The following ZBTB25 variants were observed in gnomAD, a reference collection of about 807,000 sequenced individuals.
ZBTB25 encodes the protein zinc finger and BTB domain containing 25, also known as zinc finger and BTB domain-containing protein 25.
In ZBTB25, 20 loss-of-function variants were observed where a neutral mutation model predicts 34.2. The observed-to-expected ratio is 0.58, with a 90% CI of 0.41 to 0.85. ZBTB25 has a LOEUF of 0.85. ZBTB25 is among the 40% of genes least tolerant of loss of function. ZBTB25 has a pLI of 0.00. For synonymous variants in ZBTB25, 175 were observed against 186.4 expected (o/e 0.94, Z 0.50); for missense variants, 437 against 521.8 (o/e 0.84, Z 1.58).
At chr14:64,498,826 G>A (rs2079383486) in intron 1 of ZBTB25, among the ~76,000 whole-genome samples, 1 of 151,714 alleles carries the variant, frequency 6.6e-6, no homozygotes, top group Non-Finnish European at 1.5e-5. Context: ...AGTCGAGACG[G>A]GGTTTCACTG....
At chr14:64,454,690 A>G in intron 2 of ZBTB25, 2 of 1,596,394 alleles carry the variant, frequency 1.3e-6, no homozygotes, top group Non-Finnish European at 8.6e-7. Flanking sequence ...TCATCTTTTC[A>G]TTTGTCCTCC....
intron 2 of ZBTB25, chr14:64,469,579 A>T (rs758468319): frequency 4.3e-5 from 69 of 1,613,726 alleles, no homozygotes; most frequent in Non-Finnish European, 5.7e-5. Flanking sequence ...TAATTGAAAC[A>T]GCCTCTTCTC....
At chr14:64,490,268 A>G in intron 2 of ZBTB25, 93 bp downstream of exon 2, 2 of 792,098 alleles carry the variant, frequency 2.5e-6, no homozygotes, top group East Asian at 3.4e-5. Context: ...TCTTAGTGTG[A>G]CTCCGTAACA....
At chr14:64,502,539 A>T in intron 1 of ZBTB25, 1 of 692,320 alleles carries the variant, frequency 1.4e-6, no homozygotes, top group Non-Finnish European at 1.8e-6. Flanking sequence ...GTAGGCTTTT[A>T]GTTCCAAAAA....
intron 2 of ZBTB25, among the ~76,000 whole-genome samples, chr14:64,452,613 G>A (rs1411578930): frequency 3.6e-4 from 55 of 152,326 alleles, no homozygotes; most frequent in Non-Finnish European, 1.5e-5. Context: ...CACAGAAAGT[G>A]GACATGCCCA....
chr14:64,495,248 C>A (rs1036219861), intron 1 of ZBTB25, among the ~76,000 whole-genome samples: 5 of 152,320 alleles, frequency 3.3e-5, no homozygotes, highest in Middle Eastern at 3.4e-3. Flanking sequence ...ATTACCTTAG[C>A]TGGACTTAAA....
chr14:64,486,790 A>G lies in ZBTB25; in HGVS notation c.*133T>C, dbSNP rs1447935799. The G allele has an allele frequency of 3.4e-5, 49 of 1,420,578 alleles. No individual in the cohort carries two copies. Among genetic ancestry groups the G allele is most frequent in the Non-Finnish European group, 3.9e-5 (43 of 1,091,228 alleles). 88.0% of individuals were successfully genotyped at this position (1,420,578 alleles called of 1,614,324 possible). ...TCTTATGAGAAGATCTAATATATAC[A>G]ACCTTAAAACCATGGATAAGCTGTG... On this transcript the variant is annotated 3_prime_UTR_variant, in exon 3 of 3. Coordinates refer to ENST00000608382, the MANE Select transcript of ZBTB25 (RefSeq NM_006977.5).
At chr14:64,470,688 T>TC (rs1329122375) in intron 2 of ZBTB25, 1 of 166,878 alleles carries the variant, frequency 6.0e-6, no homozygotes, top group Admixed American at 6.5e-5. Context: ...AGTGGGTTTT[T>TC]CCCCCGCTTT....
chr14:64,487,223 T>A lies in ZBTB25; in HGVS notation c.1008A>T (p.Glu336Asp). 1 of 1,614,218 alleles carries A rather than the reference T, an allele frequency of 6.2e-7. No homozygotes were observed. The highest frequency in any genetic ancestry group is 8.5e-7 in the Non-Finnish European group (1 of 1,180,044). The change falls in exon 3 of 3, where the codon GAA (glutamate) becomes GAT (aspartate). Residue 336 changes from glutamate (E) to aspartate (D), a missense_variant. By Grantham distance (45) the Glu-to-Asp change is conservative. Coordinates refer to ENST00000608382, the MANE Select transcript of ZBTB25 (RefSeq NM_006977.5). Reference protein sequence around the residue: ...SLISKDTEPVELNCNFSFSRK... With the variant: ...SLISKDTEPVDLNCNFSFSRK... ...TTGAAAAAGAAAAATTACAGTTTAA[T>A]TCTACTGGCTCTGTGTCTTTGGAGA...
At chr14:64,455,128 A>T (rs2078448195) in intron 2 of ZBTB25, 1 of 473,454 alleles carries the variant, frequency 2.1e-6, no homozygotes, top group Non-Finnish European at 3.9e-6. Flanking sequence ...TCTGTTTCCC[A>T]GGGACAGTAT....
At chr14:64,468,308 G>A (rs1175632231) in intron 2 of ZBTB25, 2 of 1,279,076 alleles carry the variant, frequency 1.6e-6, no homozygotes, top group Non-Finnish European at 1.1e-6. Context: ...TTTACCTAGT[G>A]TGACATTTTT....
chr14:64,477,283 G>T (rs985770833), downstream of ZBTB25, among the ~76,000 whole-genome samples: 2 of 152,192 alleles, frequency 1.3e-5, no homozygotes, highest in Non-Finnish European at 2.9e-5. Flanking sequence ...GCACTGTGTT[G>T]TGCATTGTCT....
At chr14:64,488,109 C>T in intron 2 of ZBTB25, 52 bp from the exon 3 acceptor site, 6 of 1,575,160 alleles carry the variant, frequency 3.8e-6, no homozygotes, top group Non-Finnish European at 5.2e-6. Context: ...CCTAGCTGGC[C>T]TTTCAGTTAA....
intron 1 of ZBTB25, chr14:64,502,639 G>C: frequency 1.0e-6 from 1 of 985,360 alleles, no homozygotes; most frequent in Non-Finnish European, 1.2e-6. Flanking sequence ...ATCAAGCCAA[G>C]TATATATAAT....
At chr14:64,496,447 C>CACCA (rs2079279305) in intron 1 of ZBTB25, among the ~76,000 whole-genome samples, 1 of 152,114 alleles carries the variant, frequency 6.6e-6, no homozygotes, top group African/African-American at 2.4e-5. Context: ...GCCGAGATCA[C>CACCA]ACCACTGCAT....
intron 2 of ZBTB25, chr14:64,463,163 G>A (rs577083954): frequency 3.3e-5 from 5 of 151,208 alleles, no homozygotes; most frequent in African/African-American, 7.3e-5. Context: ...AACAGCCTTC[G>A]TTGTCACTTA....
At chr14:64,498,057 C>T (rs1258136457) in intron 1 of ZBTB25, among the ~76,000 whole-genome samples, 2 of 152,170 alleles carry the variant, frequency 1.3e-5, no homozygotes, top group Non-Finnish European at 2.9e-5. Flanking sequence ...CAAAATATTT[C>T]AAGTGCCATA....
At chr14:64,500,069 A>T (rs1224202592) in intron 1 of ZBTB25, among the ~76,000 whole-genome samples, 3 of 152,086 alleles carry the variant, frequency 2.0e-5, no homozygotes, top group African/African-American at 7.2e-5. Context: ...ATAGACCTTT[A>T]AAAAAAATCA....
chr14:64,494,012 G>A (rs1054510895), intron 1 of ZBTB25, among the ~76,000 whole-genome samples: 1 of 152,048 alleles, frequency 6.6e-6, no homozygotes, highest in African/African-American at 2.4e-5. Flanking sequence ...CCTCTGAAAC[G>A]ACAAGGCTGA....
Sources: allele counts gnomAD v4.1 joint callset (sites outside exome capture counted in the v4.1 genomes callset), GRCh38; gene constraint gnomAD v4.1.1; transcripts MANE v1.5; gene names NCBI Gene and HGNC (gene_info 2026-07-23, HGNC 2026-07-21).